The following FAM110C variants were observed in gnomAD, a reference collection of about 807,000 sequenced individuals.
FAM110C encodes the protein protein FAM110C.
A neutral mutation model predicts 15.7 loss-of-function variants in FAM110C; 19 were observed. The observed-to-expected ratio is 1.21, with a 90% confidence interval of 0.85 to 1.78. The LOEUF (loss-of-function observed/expected upper bound fraction) is 1.78, where lower values mean the gene tolerates loss of function less well. Among genes scored for constraint, FAM110C ranks in the 40% most tolerant of loss-of-function variants. FAM110C has a pLI of 0.00. For synonymous variants in FAM110C, 275 were observed against 233.9 expected (o/e 1.18, Z -1.61); for missense variants, 547 against 495.7 (o/e 1.10, Z -0.98).
Position 41,564 on chromosome 2 carries a change from C to T in FAM110C, c.*44G>A. 2 of 1,612,876 alleles carry T rather than the reference C, an allele frequency of 1.2e-6. No homozygotes were observed. Among genetic ancestry groups the T allele is most frequent in the Non-Finnish European group, 8.5e-7 (1 of 1,179,388 alleles). On this transcript the variant is annotated 3_prime_UTR_variant, in exon 2 of 2. Transcript: ENST00000327669. ...CACCTAGGCACACTAGCCAAATGGT[C>T]CTGGGATCCCAAATCACCCATGAAA...
chr2:41,675 AG>A, intron 1 of FAM110C, 48 bp from the exon 2 acceptor site: 1 of 1,611,514 alleles, frequency 6.2e-7, no homozygotes, highest in Non-Finnish European at 8.5e-7. Flanking sequence ...TCTAGACAAA[AG>A]TTAGTATAAT....
At chr2:42,514 G>T (rs1267772793) in intron 1 of FAM110C, among the ~76,000 whole-genome samples, 2 of 152,184 alleles carry the variant, frequency 1.3e-5, no homozygotes, top group Admixed American at 6.5e-5. Flanking sequence ...AGATAAAAGA[G>T]ATATTTTCAT....
Position 46,237 on chromosome 2 carries a change from C to T in FAM110C, c.149G>A (p.Gly50Asp), listed in dbSNP as rs1277228088. Residue 50 changes from glycine to aspartate, a missense_variant, in exon 1 of 2, where the codon GGT (glycine) becomes GAT (aspartate). By Grantham distance (94) the Gly-to-Asp change is moderately conservative. Transcript: ENST00000327669. The part of the protein sequence containing the change: ...LAADRAKYVR[G>D]RPGTGRGVAS... The stretch of plus-strand genomic sequence containing the variant: ...GACGCCCCGGCCAGTCCCCGGCCGA[C>T]CCCGCACATACTTGGCGCGATCCGC... The T allele has an allele frequency of 7.1e-7, 1 of 1,412,226 alleles. No individual in the cohort carries two copies. Among genetic ancestry groups the T allele is most frequent in the South Asian group, 1.5e-5 (1 of 66,972 alleles). The allele number at this position is 1,412,226 out of a possible 1,614,324, so 87.5% of individuals were successfully genotyped here.
rs1171274688 is a variant in FAM110C at position 45,702 on chromosome 2, C to A, written c.684G>T (p.Val228=). The change falls in exon 1 of 2, where the codon GTG becomes GTT. Residue 228 remains valine (V), a synonymous_variant. Coordinates refer to ENST00000327669, the MANE Select transcript of FAM110C (RefSeq NM_001077710.3). The part of the protein sequence containing the change: ...FFQYCGLDPE[V]VEALGRENFT... ...AGTTCTCCCTCCCCAGGGCCTCCAC[C>A]ACCTCGGGGTCCAGGCCGCAGTACT... The A allele has an allele frequency of 4.4e-6, 7 of 1,603,772 alleles. No individual in the cohort carries two copies. The Admixed American group carries it at 1.2e-4, about 27-fold the overall frequency.
Position 46,249 on chromosome 2 carries a change from T to C in FAM110C, c.137A>G (p.Lys46Arg). ...AGTCCCCGGCCGACCCCGCACATAC[T>C]TGGCGCGATCCGCCGCCAGCCTCTC... The part of the protein sequence containing the change: ...AVERLAADRA[K>R]YVRGRPGTGR... Residue 46 changes from lysine (K) to arginine (R), a missense_variant, in exon 1 of 2, where the codon AAG becomes AGG. Transcript: ENST00000327669. The C allele has an allele frequency of 7.1e-7, 1 of 1,412,286 alleles. No homozygotes were observed. Among genetic ancestry groups the C allele is most frequent in the Non-Finnish European group, 9.2e-7 (1 of 1,086,818 alleles). The allele number at this position is 1,412,286 out of a possible 1,614,324, so 87.5% of individuals were successfully genotyped here. A position where few individuals can be genotyped will look rare whatever the true frequency, so the allele number is the denominator to read the frequency against.
chr2:43,722 A>G (rs1386179471), intron 1 of FAM110C: 1 of 985,036 alleles, frequency 1.0e-6, no homozygotes, highest in Non-Finnish European at 1.2e-6. Context: ...CCACATTATT[A>G]CCTCCCCACT....
rs1664125139 is a variant in FAM110C, at chr2:41,555, C to T, written c.*53G>A. The T allele has an allele frequency of 6.2e-7, 1 of 1,608,012 alleles. No individual in the cohort carries two copies. Among genetic ancestry groups the T allele is most frequent in the Non-Finnish European group, 8.5e-7 (1 of 1,176,766 alleles). On this transcript the variant is annotated 3_prime_UTR_variant, in exon 2 of 2. Transcript: ENST00000327669. ...TCATGTGGTCACCTAGGCACACTAG[C>T]CAAATGGTCCTGGGATCCCAAATCA...
In FAM110C at chr2:45,516, G is replaced by A; in HGVS notation, c.870C>T (p.Asn290=). The A allele has an allele frequency of 3.1e-6, 5 of 1,614,136 alleles. No individual in the cohort carries two copies. Among genetic ancestry groups the A allele is most frequent in the South Asian group, 1.1e-5 (1 of 91,078 alleles). ...TGTACAGCCACTTGATGATGCGGGC[G>A]TTCCTCTCGATGACCGAAGTGGTGC... The part of the protein sequence containing the change: ...VPSTTSVIER[N]ARIIKWLYTC... Residue 290 remains asparagine (N), a synonymous_variant, in exon 1 of 2, where the codon AAC becomes AAT. Transcript: ENST00000327669.
At position 41,108 on chromosome 2, in the gene FAM110C, T is replaced by C. The variant is rs1416035791; in HGVS notation, c.*500A>G. ...CAATTGGGGTCAGCATGTGTGAGTG[T>C]GTGTGTTTACTCTTATTTGACCACA... On this transcript the variant is annotated 3_prime_UTR_variant, in exon 2 of 2. Coordinates refer to ENST00000327669, the MANE Select transcript of FAM110C (RefSeq NM_001077710.3). 6.5e-6 allele frequency: 1 copy of C among 152,864 alleles called. No homozygotes were observed. The highest frequency in any genetic ancestry group is 1.5e-5 in the Non-Finnish European group (1 of 68,522). The allele number at this position is 152,864 out of a possible 1,614,324, so 9.5% of individuals were successfully genotyped here. A position where few individuals can be genotyped will look rare whatever the true frequency, so the allele number is the denominator to read the frequency against.
At position 46,027 on chromosome 2, in the gene FAM110C, G is replaced by T. The variant is rs1664288743; in HGVS notation, c.359C>A (p.Ala120Glu). Residue 120 changes from alanine (A) to glutamate (E), a missense_variant, in exon 1 of 2, where the codon GCA becomes GAA. Physicochemically the swap from Ala to Glu is moderately radical, Grantham distance 107. Coordinates refer to ENST00000327669, the MANE Select transcript of FAM110C (RefSeq NM_001077710.3). ...CTGGAAGAGCTTCTTCACCAGGCTT[G>T]CCCTGGGGCCGTCGGCGCCCGATCC... is the stretch of plus-strand genomic sequence containing the variant. ...VRGSGADGPR[A>E]SLVKKLFQGP... 2.0e-6 allele frequency: 3 copies of T among 1,505,686 alleles called. No homozygotes were observed. Among genetic ancestry groups the T allele is most frequent in the Non-Finnish European group, 2.6e-6 (3 of 1,134,082 alleles). 93.3% of individuals were successfully genotyped at this position (1,505,686 alleles called of 1,614,324 possible).
At position 45,796 on chromosome 2, in the gene FAM110C, A is replaced by G. The variant is rs771654130; in HGVS notation, c.590T>C (p.Leu197Pro). ...GCTGAGGTCCGACTGTGAGCGCTGC[A>G]GCCCCCGACGCCTCACCACCCGCGG... ...PEPRVVRRRGLQRSQSDLSSR... is the reference protein window; with the variant it reads ...PEPRVVRRRGPQRSQSDLSSR... The change falls in exon 1 of 2, where the codon CTG becomes CCG. Residue 197 changes from leucine to proline, a missense_variant. Leu to Pro is a moderately conservative substitution (Grantham distance 98). Coordinates refer to ENST00000327669, the MANE Select transcript of FAM110C (RefSeq NM_001077710.3). 1 of 1,554,762 alleles carries G rather than the reference A, an allele frequency of 6.4e-7. No individual in the cohort carries two copies. The highest frequency in any genetic ancestry group is 1.2e-5 in the South Asian group (1 of 85,022).
At chr2:42,066 G>T in intron 1 of FAM110C, 1 of 985,396 alleles carries the variant, frequency 1.0e-6, no homozygotes, top group Non-Finnish European at 1.2e-6. Context: ...CCCAGGCGCG[G>T]GTCACACGAC....
rs756787560 is a variant in FAM110C, at chr2:46,143, G to C, written c.243C>G (p.Ala81=). The C allele has an allele frequency of 2.8e-6, 4 of 1,432,960 alleles. No individual in the cohort carries two copies. Among genetic ancestry groups the C allele is most frequent in the Non-Finnish European group, 3.6e-6 (4 of 1,100,142 alleles). 88.8% of individuals were successfully genotyped at this position (1,432,960 alleles called of 1,614,324 possible). The change falls in exon 1 of 2, where the codon GCC becomes GCG. Residue 81 remains alanine, a synonymous_variant. Transcript: ENST00000327669. ...PGNDPGPPAR[A]PAPVARRAIA... is the part of the protein sequence containing the mutation. ...TAGCCCTGCGCGCCACCGGGGCCGG[G>C]GCGCGGGCCGGGGGCCCAGGGTCGT... is the stretch of plus-strand genomic sequence containing the variant.
At chr2:42,330 G>T (rs761850361) in intron 1 of FAM110C, 3 of 985,230 alleles carry the variant, frequency 3.0e-6, no homozygotes, top group Non-Finnish European at 3.6e-6. Flanking sequence ...GAACATTTTT[G>T]CCTTGAAATT....
intron 1 of FAM110C, among the ~76,000 whole-genome samples, chr2:42,643 T>A (rs1258910621): frequency 2.0e-5 from 3 of 152,230 alleles, no homozygotes; most frequent in African/African-American, 7.2e-5. Context: ...TGTGATAGTC[T>A]CAGTTTTGAA....
At chr2:43,199 T>G in intron 1 of FAM110C, 2 of 985,464 alleles carry the variant, frequency 2.0e-6, no homozygotes, top group Non-Finnish European at 2.4e-6. Context: ...TGTGCTGTTT[T>G]GGGTCTAGGG....
chr2:46,028 C>T lies in FAM110C; in HGVS notation c.358G>A (p.Ala120Thr). The change falls in exon 1 of 2, where the codon GCA becomes ACA. Residue 120 changes from alanine (A) to threonine (T), a missense_variant. Coordinates refer to ENST00000327669, the MANE Select transcript of FAM110C (RefSeq NM_001077710.3). ...VRGSGADGPR[A>T]SLVKKLFQGP... ...TGGAAGAGCTTCTTCACCAGGCTTG[C>T]CCTGGGGCCGTCGGCGCCCGATCCT... The T allele has an allele frequency of 6.6e-7, 1 of 1,508,474 alleles. No homozygotes were observed. The highest frequency in any genetic ancestry group is 1.3e-5 in the South Asian group (1 of 78,684). 93.4% of individuals were successfully genotyped at this position (1,508,474 alleles called of 1,614,324 possible).
rs959525621 is a variant in FAM110C at position 44,485 on chromosome 2, T to G, written c.946+955A>C. On this transcript the variant is annotated intron_variant, in intron 1 of 1. Coordinates refer to ENST00000327669, the MANE Select transcript of FAM110C (RefSeq NM_001077710.3). ...GGCAGAAAATAATTTCATCTCATGA[T>G]TTTTAAAATTTACTTATAGCAAGTT... is the stretch of plus-strand genomic sequence containing the variant. 3 of 985,268 alleles carry G rather than the reference T, an allele frequency of 3.0e-6. No individual in the cohort carries two copies. In the African/African-American group the frequency reaches 5.2e-5, roughly 17 times the overall value. 61.0% of individuals were successfully genotyped at this position (985,268 alleles called of 1,614,324 possible).
chr2:45,560 GCTC>G lies in FAM110C; in HGVS notation c.823_825del (p.Glu275del), dbSNP rs750978866. The G allele has an allele frequency of 6.2e-7, 1 of 1,613,896 alleles. No individual in the cohort carries two copies. Among genetic ancestry groups the G allele is most frequent in the Middle Eastern group, 1.6e-4 (1 of 6,062 alleles). On this transcript the variant is annotated inframe_deletion, in exon 1 of 2. Transcript: ENST00000327669. ...GTGGTGCTGGGCACCTGCTCTATCAGCTCCTCCTCCTGCAGCCCCTCGTCGTCG... is the reference window on the plus strand; with the variant it reads ...GTGGTGCTGGGCACCTGCTCTATCAGCTCCTCCTGCAGCCCCTCGTCGTCG...
Sources: allele counts gnomAD v4.1 joint callset (sites outside exome capture counted in the v4.1 genomes callset), GRCh38; gene constraint gnomAD v4.1.1; transcripts MANE v1.5; gene names NCBI Gene and HGNC (gene_info 2026-07-23, HGNC 2026-07-21).